The following HECW2 variants were observed in gnomAD, a reference collection of about 807,000 sequenced individuals.
HECW2 encodes the protein E3 ubiquitin-protein ligase HECW2.
HECW2 carries 61 observed loss-of-function variants against 175.2 expected under a neutral mutation model. That is an observed-to-expected ratio of 0.35 (90% CI 0.28 to 0.43). The LOEUF is 0.43. Among genes scored for constraint, HECW2 ranks in the 20% least tolerant of loss-of-function variants. The probability of loss-of-function intolerance (pLI) is 1.00; values close to 1 mark genes in which losing one functional copy is unlikely to be tolerated. For missense variants in HECW2, 1,524 were observed against 2,000.5 expected, an observed-to-expected ratio of 0.76 and a Z score of 4.54; for synonymous variants, 671 against 731.0, an observed-to-expected ratio of 0.92 and a Z score of 1.32.
At chr2:196,202,575 G>A (rs1319797085) in intron 28 of HECW2, among the ~76,000 whole-genome samples, 2 of 152,166 alleles carry the variant, frequency 1.3e-5, no homozygotes, top group African/African-American at 4.8e-5. Flanking sequence ...GGCTCATAGT[G>A]TTTGACCAAT....
At chr2:196,207,913 T>G (rs1459306994) in intron 28 of HECW2, among the ~76,000 whole-genome samples, 1 of 152,220 alleles carries the variant, frequency 6.6e-6, no homozygotes, top group Non-Finnish European at 1.5e-5. Context: ...CTCTTCAAAC[T>G]ATGCATTCTG....
In HECW2 at chr2:196,197,119, A is replaced by G. The variant is rs1327881272; in HGVS notation, c.*4158T>C. 6.6e-6 allele frequency: 1 copy of G among 151,816 alleles called. No homozygotes were observed. The highest frequency in any genetic ancestry group is 1.5e-5 in the Non-Finnish European group (1 of 67,950). 9.4% of individuals were successfully genotyped at this position (151,816 alleles called of 1,614,324 possible). On this transcript the variant is annotated 3_prime_UTR_variant, in exon 29 of 29. Transcript: ENST00000644978. ...GAAAGCAAAAGGCCCTGAAACTGAG[A>G]CTCAGTTTGGAGATTAGACCACATT...
At chr2:196,543,030 C>T (rs1289838882) in intron 1 of HECW2, among the ~76,000 whole-genome samples, 2 of 149,566 alleles carry the variant, frequency 1.3e-5, no homozygotes, top group South Asian at 2.1e-4. Context: ...TACACACACA[C>T]ACACAAAGGA....
chr2:196,465,121 A>G lies in HECW2; in HGVS notation c.-35-31663T>C, dbSNP rs555432419. ...GAGGTAGGGTTCTACATGCACCTCA[A>G]TGGAGAATGAACAACTCAAAGCATA... is the stretch of plus-strand genomic sequence containing the variant. On this transcript the variant is annotated intron_variant, in intron 1 of 28. Transcript: ENST00000644978. 3.9e-5 allele frequency among the ~76,000 whole-genome samples: 6 copies of G among 152,332 alleles called. No homozygotes were observed. The South Asian group carries it at 1.0e-3, about 26-fold the overall frequency.
chr2:196,574,654 A>G, intron 1 of HECW2, among the ~76,000 whole-genome samples: 1 of 152,192 alleles, frequency 6.6e-6, no homozygotes, highest in South Asian at 2.1e-4. Context: ...TTCCAATGGC[A>G]TCCTTTACAG....
At chr2:196,310,388 T>A (rs974076746) in intron 10 of HECW2, among the ~76,000 whole-genome samples, 2 of 152,200 alleles carry the variant, frequency 1.3e-5, no homozygotes, top group African/African-American at 4.8e-5. Flanking sequence ...TGGCTCTGAA[T>A]CAGGAAGGGC....
Position 196,253,809 on chromosome 2 carries a change from C to A in HECW2, c.3529+111G>T, listed in dbSNP as rs897609981. ...TGCACACGTGTATCTGTGCTAACAC[C>A]AAAGATGTACCTGAAGTGTTCCCTT... is the stretch of plus-strand genomic sequence containing the variant. On this transcript the variant is annotated intron_variant, in intron 19 of 28. Coordinates refer to ENST00000644978, the MANE Select transcript of HECW2 (RefSeq NM_001348768.2). 2.0e-5 allele frequency: 19 copies of A among 974,082 alleles called. 1 individual carries two copies. In the Admixed American group the frequency reaches 3.3e-4, roughly 17 times the overall value. The allele number at this position is 974,082 out of a possible 1,614,324, so 60.3% of individuals were successfully genotyped here. A position where few individuals can be genotyped will look rare whatever the true frequency, so the allele number is the denominator to read the frequency against.
chr2:196,432,786 T>C (rs1695752807), intron 2 of HECW2, among the ~76,000 whole-genome samples: 2 of 152,236 alleles, frequency 1.3e-5, no homozygotes, highest in African/African-American at 4.8e-5. Context: ...TTAGTAAATG[T>C]TAATAGATAT....
intron 21 of HECW2, among the ~76,000 whole-genome samples, chr2:196,235,290 G>C (rs947234391): frequency 1.3e-5 from 2 of 151,820 alleles, no homozygotes; most frequent in African/African-American, 4.8e-5. Context: ...ATTAGAGACG[G>C]GGTTTCACCA....
intron 1 of HECW2, among the ~76,000 whole-genome samples, chr2:196,581,284 C>T (rs1270207745): frequency 2.0e-5 from 3 of 152,112 alleles, no homozygotes. Flanking sequence ...CCTGTAATTC[C>T]AGCACTTTGG....
intron 2 of HECW2, among the ~76,000 whole-genome samples, chr2:196,353,405 T>C (rs1693243187): frequency 6.6e-6 from 1 of 152,248 alleles, no homozygotes; most frequent in East Asian, 1.9e-4. Context: ...AAGAATCTAG[T>C]TACACATTTA....
intron 1 of HECW2, chr2:196,592,724 A>G (rs1023534473): frequency 1.3e-5 from 2 of 152,156 alleles, no homozygotes; most frequent in African/African-American, 4.8e-5. Flanking sequence ...AGGAAAAACA[A>G]AGCCACCTCC....
At chr2:196,502,624 C>T (rs1011028472) in intron 1 of HECW2, among the ~76,000 whole-genome samples, 4 of 152,184 alleles carry the variant, frequency 2.6e-5, no homozygotes, top group Admixed American at 2.6e-4. Flanking sequence ...CTGGCTAATT[C>T]CCTCCCTTCT....
At chr2:196,578,931 T>G (rs1229013665) in intron 1 of HECW2, among the ~76,000 whole-genome samples, 1 of 151,660 alleles carries the variant, frequency 6.6e-6, no homozygotes, top group Non-Finnish European at 1.5e-5. Flanking sequence ...TAAAGCTATC[T>G]ACACAGAGAA....
intron 20 of HECW2, among the ~76,000 whole-genome samples, chr2:196,241,209 G>T (rs1688440736): frequency 6.6e-6 from 1 of 152,214 alleles, no homozygotes; most frequent in South Asian, 2.1e-4. Flanking sequence ...ATGGTAATGG[G>T]CAGAGAGATG....
intron 2 of HECW2, among the ~76,000 whole-genome samples, chr2:196,421,227 T>C (rs530772882): frequency 6.6e-6 from 1 of 152,130 alleles, no homozygotes; most frequent in South Asian, 2.1e-4. Flanking sequence ...AGTCCAAACA[T>C]ATCAAAAGTA....
intron 1 of HECW2, among the ~76,000 whole-genome samples, chr2:196,451,228 G>T (rs1352024240): frequency 6.6e-6 from 1 of 151,740 alleles, no homozygotes; most frequent in African/African-American, 2.4e-5. Flanking sequence ...GAGGTCAAGA[G>T]ATCAAGACCA....
chr2:196,264,727 C>A (rs1321438801), intron 17 of HECW2, among the ~76,000 whole-genome samples: 1 of 152,118 alleles, frequency 6.6e-6, no homozygotes, highest in African/African-American at 2.4e-5. Flanking sequence ...AGATTCCATG[C>A]ATCAAAAATG....
intron 7 of HECW2, among the ~76,000 whole-genome samples, chr2:196,320,687 C>T (rs1332333355): frequency 1.3e-5 from 2 of 152,154 alleles, no homozygotes; most frequent in African/African-American, 4.8e-5. Context: ...CACAAGACAT[C>T]ATATGCTATG....
Sources: allele counts gnomAD v4.1 joint callset (sites outside exome capture counted in the v4.1 genomes callset), GRCh38; gene constraint gnomAD v4.1.1; transcripts MANE v1.5; gene names NCBI Gene and HGNC (gene_info 2026-07-23, HGNC 2026-07-21).